Variants in POLN observed in about 807,000 individuals in gnomAD.
POLN encodes DNA polymerase nu.
In POLN, 108 loss-of-function variants were observed where a neutral mutation model predicts 113.5. The ratio of observed to expected loss-of-function variants is 0.95; its 90% CI spans 0.81 to 1.12. POLN has a LOEUF of 1.12. Among genes scored for constraint, POLN ranks in the 50% most tolerant of loss-of-function variants. The probability of loss-of-function intolerance (pLI) is 0.00; values close to 1 mark genes in which losing one functional copy is unlikely to be tolerated. For missense variants in POLN, 1,097 were observed against 1,077.1 expected (o/e 1.02, Z -0.26); for synonymous variants, 386 against 391.5 (o/e 0.99, Z 0.17).
chr4:2,144,291 C>T (rs1445001237), intron 16 of POLN, among the ~76,000 whole-genome samples: 1 of 151,538 alleles, frequency 6.6e-6, no homozygotes, highest in Admixed American at 6.6e-5. Flanking sequence ...ACTACAGGCA[C>T]GTGCCACCAT....
intron 3 of POLN, among the ~76,000 whole-genome samples, chr4:2,220,216 C>G (rs191605635): frequency 6.6e-6 from 1 of 152,174 alleles, no homozygotes. Context: ...GCTAGAGGGA[C>G]GCTGTCAGAG....
intron 16 of POLN, among the ~76,000 whole-genome samples, chr4:2,141,424 A>G (rs1196623526): frequency 6.6e-6 from 1 of 152,056 alleles, no homozygotes; most frequent in East Asian, 1.9e-4. Flanking sequence ...GGGAGCCTAC[A>G]TACCCCCCGG....
chr4:2,160,078 A>T (rs997813808), intron 13 of POLN, among the ~76,000 whole-genome samples: 1 of 152,238 alleles, frequency 6.6e-6, no homozygotes, highest in Non-Finnish European at 1.5e-5. Context: ...CCTTTCAGCA[A>T]AACATAAACA....
intron 19 of POLN, among the ~76,000 whole-genome samples, chr4:2,121,746 C>T (rs904387126): frequency 6.6e-6 from 1 of 151,736 alleles, no homozygotes; most frequent in Non-Finnish European, 1.5e-5. Flanking sequence ...TTTTTGTCAT[C>T]CTTGTTAGAG....
chr4:2,152,593 A>C (rs1212154103), intron 16 of POLN, among the ~76,000 whole-genome samples: 2 of 151,954 alleles, frequency 1.3e-5, no homozygotes, highest in African/African-American at 4.8e-5. Flanking sequence ...TGTGCACTTT[A>C]AGCAAAAAAA....
intron 17 of POLN, 55 bp downstream of exon 17, chr4:2,131,178 C>T (rs1280427381): frequency 1.6e-6 from 2 of 1,282,496 alleles, no homozygotes; most frequent in South Asian, 1.3e-5. Flanking sequence ...GAGTGACACC[C>T]TATCTCAAAA....
chr4:2,192,525 A>G (rs1053242802), intron 7 of POLN, among the ~76,000 whole-genome samples: 3 of 151,956 alleles, frequency 2.0e-5, no homozygotes, highest in Non-Finnish European at 2.9e-5. Context: ...TTTTTAGTAG[A>G]GACAGGGTTT....
intron 19 of POLN, among the ~76,000 whole-genome samples, chr4:2,125,172 G>C (rs1438737406): frequency 6.6e-6 from 1 of 152,166 alleles, no homozygotes; most frequent in Non-Finnish European, 1.5e-5. Flanking sequence ...TGTAAGGCTG[G>C]GCTGGTTGTG....
chr4:2,104,786 C>T (rs940466039), intron 19 of POLN, among the ~76,000 whole-genome samples: 3 of 152,070 alleles, frequency 2.0e-5, no homozygotes, highest in African/African-American at 7.2e-5. Context: ...GAGGAAGAGC[C>T]CCATGAATAG....
chr4:2,127,194 A>G lies in POLN; in HGVS notation c.1982+919T>C, dbSNP rs1267177929. ...GCCGTAGGGGGAGCAGAAGAGGCCC[A>G]AGGTGATGGGGAGGTGGCACCTGCA... On this transcript the variant is annotated intron_variant, in intron 19 of 25. Coordinates refer to ENST00000511885, the MANE Select transcript of POLN (RefSeq NM_181808.4). This position sits in a 1 kb window ranked among gnomAD's most constrained non-coding sequence, Gnocchi z 4.7. Among the ~76,000 whole-genome samples, 22 of 151,558 alleles carry G rather than the reference A, an allele frequency of 1.5e-4. No homozygotes were observed. Among genetic ancestry groups the G allele is most frequent in the Admixed American group, 1.4e-3 (22 of 15,242 alleles).
intron 13 of POLN, among the ~76,000 whole-genome samples, chr4:2,166,315 C>A (rs1732727240): frequency 6.6e-6 from 1 of 152,194 alleles, no homozygotes; most frequent in Admixed American, 6.5e-5. Context: ...TTATTCCTTG[C>A]ATAGGCACTT....
chr4:2,143,907 A>T (rs1732067432), intron 16 of POLN, among the ~76,000 whole-genome samples: 1 of 152,178 alleles, frequency 6.6e-6, no homozygotes, highest in African/African-American at 2.4e-5. Context: ...TGGCAACCTT[A>T]TCTTAATAAC....
At chr4:2,228,926 GT>G (rs1470186352) in intron 3 of POLN, 172 bp downstream of exon 3, 13 of 522,084 alleles carry the variant, frequency 2.5e-5, no homozygotes, top group Admixed American at 1.8e-4. Context: ...AGCAATGAAG[GT>G]TAAGGGAACA....
chr4:2,155,937 C>T (rs1732412294), intron 16 of POLN, among the ~76,000 whole-genome samples: 1 of 152,052 alleles, frequency 6.6e-6, no homozygotes, highest in Admixed American at 6.6e-5. Context: ...TGGGTTCACA[C>T]CATTTTCCTG....
intron 7 of POLN, among the ~76,000 whole-genome samples, chr4:2,181,999 CAAA>C (rs546309359): frequency 3.0e-5 from 3 of 98,874 alleles, no homozygotes; most frequent in Non-Finnish European, 2.4e-5. Flanking sequence ...GACTCCGTCT[CAAA>C]AAAAAAAAAA....
chr4:2,080,371 C>G (rs1486458754), intron 23 of POLN: 1 of 1,022,020 alleles, frequency 9.8e-7, no homozygotes, highest in Admixed American at 5.9e-5. Context: ...GGCGGAGCCC[C>G]CCCCCACCAA....
intron 23 of POLN, chr4:2,080,653 C>G: frequency 7.7e-7 from 1 of 1,297,680 alleles, no homozygotes; most frequent in South Asian, 1.6e-5. Context: ...TCGCCTGCCT[C>G]TGGGGTGGGC....
intron 13 of POLN, among the ~76,000 whole-genome samples, chr4:2,168,185 T>C (rs1322387940): frequency 6.6e-6 from 1 of 152,026 alleles, no homozygotes; most frequent in Non-Finnish European, 1.5e-5. Flanking sequence ...TACATGTAGT[T>C]GGGGGAGCTG....
chr4:2,102,863 A>G (rs984128887), intron 19 of POLN, among the ~76,000 whole-genome samples: 2 of 152,250 alleles, frequency 1.3e-5, no homozygotes, highest in African/African-American at 4.8e-5. Flanking sequence ...ACGCACTCAG[A>G]AACAAAGCCA....
Sources: gnomAD v4.1 joint callset for allele counts (sites outside exome capture counted in the v4.1 genomes callset) on GRCh38, gnomAD v4.1.1 for gene constraint, Gnocchi (gnomAD v3.1) non-coding constraint, MANE v1.5 for transcripts, NCBI Gene and HGNC (gene_info 2026-07-23, HGNC 2026-07-21) for gene names.